Variants in BRF1 observed in about 807,000 individuals in gnomAD.
BRF1 encodes transcription factor IIIB 90 kDa subunit.
Under a neutral mutation model 81.7 loss-of-function variants are expected in BRF1, and 59 were observed. The observed-to-expected ratio is 0.72, with a 90% CI of 0.59 to 0.90. The LOEUF is 0.90. BRF1 is among the 40% of genes least tolerant of loss of function. BRF1 has a pLI of 0.00. For missense variants in BRF1, 1,050 were observed against 936.3 expected (o/e 1.12, Z -1.58); for synonymous variants, 491 against 395.6 (o/e 1.24, Z -2.86).
At chr14:105,302,401 C>A (rs2058066719), upstream of BRF1, among the ~76,000 whole-genome samples, 1 of 151,268 alleles carries the variant, frequency 6.6e-6, no homozygotes, top group South Asian at 2.1e-4. Flanking sequence ...CGGGGTTTCT[C>A]CATGTTGGTC....
At chr14:105,243,923 C>T (rs2054896682) in intron 5 of BRF1, among the ~76,000 whole-genome samples, 2 of 152,134 alleles carry the variant, frequency 1.3e-5, no homozygotes, top group South Asian at 2.1e-4. Context: ...TTGCTTGAAC[C>T]CGGGAGGTGG....
At chr14:105,222,031 T>C (rs1595284028) in intron 10 of BRF1, 117 bp from the exon 11 acceptor site, 2 of 1,320,810 alleles carry the variant, frequency 1.5e-6, no homozygotes, top group Admixed American at 3.1e-5. Context: ...CAGTGCACGG[T>C]GCCTGGCGGT....
chr14:105,250,148 T>C, intron 5 of BRF1: 1 of 1,613,030 alleles, frequency 6.2e-7, no homozygotes, highest in Non-Finnish European at 8.5e-7. Flanking sequence ...CCACAGCATC[T>C]TCCTGTGGTA....
chr14:105,299,715 T>C lies in BRF1; in HGVS notation c.184+731A>G, dbSNP rs761692136. On this transcript the variant is annotated intron_variant, in intron 1 of 17. Coordinates refer to ENST00000547530, the MANE Select transcript of BRF1 (RefSeq NM_001519.4). ...CCACTATGATGAGATGCCACACACC[T>C]GTTAGAACAACCGAAATAAAAACAT... Among the ~76,000 whole-genome samples, 25 of 152,250 alleles carry C rather than the reference T, an allele frequency of 1.6e-4. 1 individual carries two copies. Among genetic ancestry groups the C allele is most frequent in the Non-Finnish European group, 3.2e-4 (22 of 68,044 alleles).
chr14:105,315,085 G>C lies in BRF1; in HGVS notation c.-162+237C>G. The C allele has an allele frequency of 1.0e-5, 11 of 1,068,730 alleles. No individual in the cohort carries two copies. Among genetic ancestry groups the C allele is most frequent in the Non-Finnish European group, 1.3e-5 (11 of 877,022 alleles). The allele number at this position is 1,068,730 out of a possible 1,614,324, so 66.2% of individuals were successfully genotyped here. On this transcript the variant is annotated intron_variant, in intron 1 of 17. Coordinates refer to the BRF1 transcript ENST00000327359. This position sits in a 1 kb window ranked among gnomAD's most constrained non-coding sequence, Gnocchi z 4.4. The stretch of plus-strand genomic sequence containing the variant: ...TGTTCCCGCCGGGCACCTGCTGGGG[G>C]TGTCCTGGCCGCGGCCTCTGCGCGC...
Position 105,286,308 on chromosome 14 carries a change from T to A in BRF1, c.253A>T (p.Thr85Ser). Residue 85 changes from threonine to serine, a missense_variant, in exon 2 of 18, where the codon ACC becomes TCC. This residue lies in a region of BRF1 where 1,043 missense variants were observed against 915.4 expected (regional missense o/e 1.14). Coordinates refer to ENST00000547530, the MANE Select transcript of BRF1 (RefSeq NM_001519.4). ...VNLGKESRAQ[T>S]LQNGRRHIHH... ...CGGTGGGAAATACCATTCTGCAGGG[T>A]CTGCGCTCTCGACTCCTTCCCCAGA... 6.2e-7 allele frequency: 1 copy of A among 1,613,234 alleles called. No individual in the cohort carries two copies. The highest frequency in any genetic ancestry group is 8.5e-7 in the Non-Finnish European group (1 of 1,179,762).
At chr14:105,226,876 A>G (rs1893189152) in intron 7 of BRF1, 116 bp from the exon 8 acceptor site, 3 of 1,501,696 alleles carry the variant, frequency 2.0e-6, no homozygotes, top group African/African-American at 2.8e-5. Context: ...TGGGAGCCCA[A>G]GGTGGGTGGA....
At chr14:105,252,615 G>C (rs1240362360) in intron 4 of BRF1, 36 bp from the exon 5 acceptor site, 1 of 1,597,048 alleles carries the variant, frequency 6.3e-7, no homozygotes, top group African/African-American at 1.3e-5. Context: ...AACAGCATTG[G>C]TATTTAAGGA....
At position 105,272,860 on chromosome 14, in the gene BRF1, C is replaced by G. The variant is rs2056717169; in HGVS notation, c.300G>C (p.Leu100=). 1 of 1,613,436 alleles carries G rather than the reference C, an allele frequency of 6.2e-7. No homozygotes were observed. The highest frequency in any genetic ancestry group is 2.2e-5 in the East Asian group (1 of 44,866). ...RRHIHHLGNQ[L]QLNQHCLDTA... is the part of the protein sequence containing the mutation. ...TGTCCAGGCAGTGCTGGTTCAGCTG[C>G]AGCTGGTTCCCCAGGTGGTGGATGT... The change falls in exon 3 of 18, where the codon CTG becomes CTC. Residue 100 remains leucine, a synonymous_variant. Transcript: ENST00000547530.
intron 4 of BRF1, among the ~76,000 whole-genome samples, chr14:105,255,627 G>A (rs1352309926): frequency 6.6e-6 from 1 of 152,190 alleles, no homozygotes; most frequent in South Asian, 2.1e-4. Context: ...AGGACCTGTG[G>A]TGCAGCCCCC....
intron 5 of BRF1, chr14:105,247,887 C>A: frequency 1.0e-6 from 1 of 985,668 alleles, no homozygotes; most frequent in Non-Finnish European, 1.2e-6. Context: ...CCATGCCACG[C>A]ACCTCCCAGG....
intron 6 of BRF1, among the ~76,000 whole-genome samples, chr14:105,229,359 T>C (rs972041066): frequency 1.3e-5 from 2 of 152,034 alleles, no homozygotes; most frequent in African/African-American, 4.8e-5. Context: ...AACATGGAGA[T>C]CATGTGTGCA....
chr14:105,220,271 G>T, intron 11 of BRF1, 141 bp from the exon 12 acceptor site: 1 of 848,394 alleles, frequency 1.2e-6, no homozygotes, highest in Non-Finnish European at 1.9e-6. Flanking sequence ...CTGGTGGGTC[G>T]CGCCCTGTCT....
At position 105,217,531 on chromosome 14, in the gene BRF1, G is replaced by A. The variant is rs767665631; in HGVS notation, c.1772+13C>T. 1.2e-6 allele frequency: 2 copies of A among 1,611,178 alleles called. No individual in the cohort carries two copies. Among genetic ancestry groups the A allele is most frequent in the Non-Finnish European group, 8.5e-7 (1 of 1,178,282 alleles). On this transcript the variant is annotated intron_variant, in intron 15 of 17. Coordinates refer to ENST00000547530, the MANE Select transcript of BRF1 (RefSeq NM_001519.4). ...CTGCTGCCCTAACCCAGCCACTCAG[G>A]ACAGGATGGTACCTTTTCCCCACAC...
chr14:105,289,363 A>C (rs1048411823), intron 1 of BRF1, among the ~76,000 whole-genome samples: 5 of 152,294 alleles, frequency 3.3e-5, no homozygotes, highest in Non-Finnish European at 7.4e-5. Context: ...AACTAAACAG[A>C]AGCTGGAGCA....
intron 5 of BRF1, chr14:105,249,148 C>T (rs1297801285): frequency 1.7e-5 from 27 of 1,566,876 alleles, no homozygotes; most frequent in East Asian, 4.6e-5. Flanking sequence ...CGTGCCTCTA[C>T]CTTTGCAGGA....
intron 2 of BRF1, among the ~76,000 whole-genome samples, chr14:105,281,560 T>C (rs2057104926): frequency 6.6e-6 from 1 of 151,190 alleles, no homozygotes; most frequent in Non-Finnish European, 1.5e-5. Context: ...CCCGGGTGTG[T>C]GGACAGAGCC....
intron 4 of BRF1, 42 bp downstream of exon 4, chr14:105,256,476 A>G (rs2055877154): frequency 1.2e-6 from 2 of 1,613,798 alleles, no homozygotes; most frequent in African/African-American, 2.7e-5. Context: ...CCCCCAGGTC[A>G]CAACCCCAGG....
rs916082071 is a variant in BRF1, at chr14:105,309,947, G to A, written c.-162+5375C>T. Among the ~76,000 whole-genome samples, 1 of 151,556 alleles carries A rather than the reference G, an allele frequency of 6.6e-6. No homozygotes were observed. The highest frequency in any genetic ancestry group is 6.6e-5 in the Admixed American group (1 of 15,208). ...ACTACAGGCGCCCGCCACCACACCC[G>A]ACTAATTTTTGTATTTTTAGTAGAG... On this transcript the variant is annotated intron_variant, in intron 1 of 17. Coordinates refer to the BRF1 transcript ENST00000327359. The surrounding 1 kb of genome is among the most constrained non-coding windows in gnomAD (Gnocchi z 4.0).
Sources: gnomAD v4.1 joint callset for allele counts (sites outside exome capture counted in the v4.1 genomes callset) on GRCh38, gnomAD v4.1.1 for gene constraint, gnomAD v4.1.1 regional missense constraint, Gnocchi (gnomAD v3.1) non-coding constraint, MANE v1.5 for transcripts, NCBI Gene and HGNC (gene_info 2026-07-23, HGNC 2026-07-21) for gene names.